Variants in OPCML observed in about 807,000 individuals in gnomAD.
OPCML encodes opioid binding protein/cell adhesion molecule like, also known as opioid-binding protein/cell adhesion molecule.
In OPCML, 13 loss-of-function variants were observed where a neutral mutation model predicts 37.8. The ratio of observed to expected loss-of-function variants is 0.34; its 90% confidence interval spans 0.22 to 0.55. OPCML has a LOEUF of 0.55. Among genes scored for constraint, OPCML ranks in the 20% least tolerant of loss-of-function variants. The pLI is 0.91. For missense variants in OPCML, 341 were observed against 435.6 expected (o/e 0.78, Z 1.93); for synonymous variants, 176 against 168.8 (o/e 1.04, Z -0.33).
chr11:133,052,001 T>G (rs1047456799), intron 1 of OPCML, among the ~76,000 whole-genome samples: 1 of 152,214 alleles, frequency 6.6e-6, no homozygotes, highest in African/African-American at 2.4e-5. Context: ...CAAAGCTTCT[T>G]TAGAATTTGT....
intron 1 of OPCML, among the ~76,000 whole-genome samples, chr11:133,238,598 C>T (rs1202917547): frequency 6.6e-6 from 1 of 152,084 alleles, no homozygotes; most frequent in East Asian, 1.9e-4. Flanking sequence ...AGTGTCCTAC[C>T]CACCCACCTG....
At chr11:133,401,186 C>T (rs767934742) in intron 1 of OPCML, among the ~76,000 whole-genome samples, 9 of 151,898 alleles carry the variant, frequency 5.9e-5, no homozygotes, top group Non-Finnish European at 7.4e-5. Flanking sequence ...GTAAGACAGA[C>T]GTAGTGTGAG....
intron 1 of OPCML, among the ~76,000 whole-genome samples, chr11:133,113,125 C>T (rs1262890254): frequency 6.6e-6 from 1 of 152,178 alleles, no homozygotes; most frequent in Non-Finnish European, 1.5e-5. Context: ...TCTGTTCCTA[C>T]TTATCATGCA....
At chr11:132,749,259 T>C (rs1310634049) in intron 2 of OPCML, among the ~76,000 whole-genome samples, 1 of 152,178 alleles carries the variant, frequency 6.6e-6, no homozygotes, top group Non-Finnish European at 1.5e-5. Flanking sequence ...TCTTATTGTT[T>C]TATTAGCCAC....
At chr11:132,677,807 A>T (rs1942774099) in intron 2 of OPCML, among the ~76,000 whole-genome samples, 1 of 152,328 alleles carries the variant, frequency 6.6e-6, no homozygotes, top group Admixed American at 6.5e-5. Flanking sequence ...TCTCCTGGAT[A>T]AAAACAGGAG....
intron 1 of OPCML, among the ~76,000 whole-genome samples, chr11:133,236,715 G>A (rs1380411716): frequency 6.6e-6 from 1 of 152,210 alleles, no homozygotes; most frequent in African/African-American, 2.4e-5. Context: ...GTCATAGCCT[G>A]TTCCTCTTCC....
At chr11:132,902,515 C>T (rs746447912) in intron 2 of OPCML, among the ~76,000 whole-genome samples, 8 of 152,050 alleles carry the variant, frequency 5.3e-5, no homozygotes, top group South Asian at 2.1e-4. Flanking sequence ...ACTATGCTGA[C>T]GATCTCATCA....
intron 2 of OPCML, among the ~76,000 whole-genome samples, chr11:132,767,993 G>C (rs1946512432): frequency 6.6e-6 from 1 of 152,146 alleles, no homozygotes; most frequent in Non-Finnish European, 1.5e-5. Context: ...TCAGAATATT[G>C]TCTATTCAAG....
intron 1 of OPCML, among the ~76,000 whole-genome samples, chr11:133,488,986 C>T (rs190734585): frequency 7.0e-6 from 1 of 143,014 alleles, no homozygotes; most frequent in Non-Finnish European, 1.5e-5. Context: ...GGGGAAAGGA[C>T]ACCCTCTTCA....
At chr11:133,126,094 C>CACAT (rs1491236051) in intron 1 of OPCML, among the ~76,000 whole-genome samples, 1,445 of 127,040 alleles carry the variant, frequency 0.011, 22 homozygotes, top group African/African-American at 0.04. Flanking sequence ...CACACACACA[C>CACAT]ATATATGAGA....
At chr11:133,250,227 T>C (rs1165149587) in intron 1 of OPCML, among the ~76,000 whole-genome samples, 2 of 152,266 alleles carry the variant, frequency 1.3e-5, no homozygotes, top group African/African-American at 4.8e-5. Context: ...TTCCCTCTTA[T>C]GTATTTCTGT....
chr11:133,245,084 C>T (rs1289082351), intron 1 of OPCML, among the ~76,000 whole-genome samples: 1 of 152,184 alleles, frequency 6.6e-6, no homozygotes, highest in African/African-American at 2.4e-5. Context: ...TACTGTGAGT[C>T]TGCCATTGTG....
chr11:132,639,505 C>A (rs1940718118), intron 3 of OPCML, among the ~76,000 whole-genome samples: 1 of 152,252 alleles, frequency 6.6e-6, no homozygotes, highest in East Asian at 1.9e-4. Flanking sequence ...GAATAGCAAT[C>A]ATTGCAGCCC....
intron 2 of OPCML, among the ~76,000 whole-genome samples, chr11:132,782,142 TGAGA>T (rs1487318405): frequency 1.3e-5 from 2 of 151,862 alleles, no homozygotes; most frequent in East Asian, 1.9e-4. Context: ...GGTTGCTGTC[TGAGA>T]GAGTCAGTGG....
chr11:132,486,623 C>G (rs1795622836), intron 4 of OPCML, among the ~76,000 whole-genome samples: 1 of 151,736 alleles, frequency 6.6e-6, no homozygotes, highest in South Asian at 2.1e-4. Context: ...ATTTATTTTT[C>G]TGGGATTCCT....
At chr11:133,160,964 A>C (rs1950133421) in intron 1 of OPCML, among the ~76,000 whole-genome samples, 1 of 152,206 alleles carries the variant, frequency 6.6e-6, no homozygotes, top group African/African-American at 2.4e-5. Flanking sequence ...CCTGCCCTGG[A>C]AGCAGCCCCG....
At chr11:132,610,727 T>C (rs145611283) in intron 3 of OPCML, among the ~76,000 whole-genome samples, 2 of 152,316 alleles carry the variant, frequency 1.3e-5, no homozygotes, top group African/African-American at 4.8e-5. Context: ...ATTTTACAAA[T>C]GTTTAATTAC....
chr11:133,317,582 A>G (rs1166150112), intron 1 of OPCML, among the ~76,000 whole-genome samples: 1 of 152,198 alleles, frequency 6.6e-6, no homozygotes, highest in African/African-American at 2.4e-5. Context: ...TTGTCGTAGT[A>G]GTCGCAACGG....
chr11:133,481,792 C>A (rs1480457975), intron 1 of OPCML, among the ~76,000 whole-genome samples: 2 of 152,080 alleles, frequency 1.3e-5, no homozygotes, highest in Non-Finnish European at 2.9e-5. Context: ...AACCTTTAAA[C>A]AAAACTAATG....
Sources: gnomAD v4.1 joint callset for allele counts (sites outside exome capture counted in the v4.1 genomes callset) on GRCh38, gnomAD v4.1.1 for gene constraint, MANE v1.5 for transcripts, NCBI Gene and HGNC (gene_info 2026-07-23, HGNC 2026-07-21) for gene names.